The following QSER1 variants were observed in gnomAD, a reference collection of about 807,000 sequenced individuals.
QSER1 encodes glutamine and serine rich 1, also known as glutamine and serine-rich protein 1.
A neutral mutation model predicts 158.5 loss-of-function variants in QSER1; 49 were observed. That is an observed-to-expected ratio of 0.31 (90% CI 0.25 to 0.39). The LOEUF is 0.39. QSER1 is among the 10% of genes least tolerant of loss of function. QSER1 has a pLI of 1.00. For missense variants in QSER1, 1,754 were observed against 2,010.3 expected (o/e 0.87, Z 2.44); for synonymous variants, 650 against 715.5 (o/e 0.91, Z 1.46).
In QSER1 at chr11:32,955,470, A is replaced by G. The variant is rs1852495762; in HGVS notation, c.4617+58A>G. On this transcript the variant is annotated intron_variant, in intron 6 of 12. Coordinates refer to ENST00000650167, the MANE Select transcript of QSER1 (RefSeq NM_001076786.3). ...TTTGACAGTGGTCCTGAGAAAAACA[A>G]TGATTTAAATATAGAAGTATTTTAT... 5 of 792,552 alleles carry G rather than the reference A, an allele frequency of 6.3e-6. No homozygotes were observed. In the Admixed American group the frequency reaches 8.0e-5, roughly 13 times the overall value. 49.1% of individuals were successfully genotyped at this position (792,552 alleles called of 1,614,324 possible). A position where few individuals can be genotyped will look rare whatever the true frequency, so the allele number is the denominator to read the frequency against.
intron 1 of QSER1, among the ~76,000 whole-genome samples, chr11:32,906,341 G>C (rs572493236): frequency 2.4e-3 from 358 of 152,196 alleles, no homozygotes; most frequent in Non-Finnish European, 4.1e-3. Context: ...AGAATCGCTT[G>C]AACCTAGGAG....
intron 11 of QSER1, 72 bp from the exon 12 acceptor site, chr11:32,975,176 A>G: frequency 1.9e-6 from 2 of 1,053,780 alleles, no homozygotes; most frequent in East Asian, 5.0e-5. Context: ...CTTTTGATCT[A>G]GTATTTTCCT....
chr11:32,939,623 G>C (rs1452968880), intron 4 of QSER1, among the ~76,000 whole-genome samples: 1 of 152,128 alleles, frequency 6.6e-6, no homozygotes, highest in East Asian at 1.9e-4. Context: ...CAGAACATAA[G>C]TTCTGTCTTA....
intron 4 of QSER1, among the ~76,000 whole-genome samples, chr11:32,940,344 G>T (rs187327971): frequency 1.3e-5 from 2 of 152,160 alleles, no homozygotes; most frequent in Non-Finnish European, 2.9e-5. Context: ...TTTGCTTAGG[G>T]ACTATCATGA....
At chr11:32,916,094 T>A (rs1017829939) in intron 1 of QSER1, among the ~76,000 whole-genome samples, 7 of 151,944 alleles carry the variant, frequency 4.6e-5, no homozygotes, top group African/African-American at 1.7e-4. Flanking sequence ...AGAGACAGGG[T>A]TTCTCTATGT....
intron 4 of QSER1, among the ~76,000 whole-genome samples, chr11:32,950,642 T>C (rs1263099154): frequency 3.3e-5 from 5 of 152,214 alleles, no homozygotes; most frequent in African/African-American, 9.6e-5. Context: ...ATTTGTATCA[T>C]TCAAAGAGAA....
At chr11:32,954,489 C>T (rs1038153520) in intron 5 of QSER1, among the ~76,000 whole-genome samples, 18 of 151,730 alleles carry the variant, frequency 1.2e-4, no homozygotes, top group African/African-American at 1.9e-4. Flanking sequence ...TGGAGAAAAT[C>T]GTTATTTATA....
chr11:32,967,417 T>G (rs917470287), intron 9 of QSER1, among the ~76,000 whole-genome samples: 6 of 152,082 alleles, frequency 3.9e-5, no homozygotes, highest in Admixed American at 1.3e-4. Flanking sequence ...ATCCCAGACT[T>G]CACCACTATA....
At chr11:32,909,909 G>A (rs776772478) in intron 1 of QSER1, among the ~76,000 whole-genome samples, 4 of 152,128 alleles carry the variant, frequency 2.6e-5, no homozygotes, top group African/African-American at 7.2e-5. Flanking sequence ...GGGAAGTTGT[G>A]TAGCAGGTAG....
intron 1 of QSER1, among the ~76,000 whole-genome samples, chr11:32,911,135 T>A (rs1359518588): frequency 6.6e-6 from 1 of 152,226 alleles, no homozygotes; most frequent in Non-Finnish European, 1.5e-5. Context: ...GGTTTTCCTC[T>A]TAAGTTTTTA....
chr11:32,959,909 G>A (rs1224439688), intron 8 of QSER1, among the ~76,000 whole-genome samples: 1 of 151,978 alleles, frequency 6.6e-6, no homozygotes, highest in Non-Finnish European at 1.5e-5. Flanking sequence ...CTACAGGTGG[G>A]CACCACCACA....
chr11:32,895,559 A>G (rs1348665525), intron 1 of QSER1, among the ~76,000 whole-genome samples: 1 of 152,242 alleles, frequency 6.6e-6, no homozygotes, highest in African/African-American at 2.4e-5. Flanking sequence ...AAGCTTTTTC[A>G]TAATGCACAT....
At chr11:32,898,549 G>T (rs1311453327) in intron 1 of QSER1, among the ~76,000 whole-genome samples, 1 of 151,222 alleles carries the variant, frequency 6.6e-6, no homozygotes, top group Non-Finnish European at 1.5e-5. Flanking sequence ...TGCTCTGTAT[G>T]GCTCTGCGTT....
At chr11:32,961,519 T>G (rs1852624858) in intron 8 of QSER1, among the ~76,000 whole-genome samples, 2 of 152,202 alleles carry the variant, frequency 1.3e-5, no homozygotes, top group South Asian at 4.1e-4. Context: ...GTGTACAATT[T>G]ATTAGCATTA....
intron 9 of QSER1, 45 bp from the exon 10 acceptor site, chr11:32,968,995 TCAAAAA>T (rs1482646232): frequency 9.7e-7 from 1 of 1,033,202 alleles, no homozygotes; most frequent in Middle Eastern, 2.4e-4. Flanking sequence ...TGGATTTTTT[TCAAAAA>T]TATTTATTGA....
intron 4 of QSER1, among the ~76,000 whole-genome samples, chr11:32,943,835 G>A (rs1442960240): frequency 6.6e-6 from 1 of 152,074 alleles, no homozygotes; most frequent in Non-Finnish European, 1.5e-5. Context: ...TGTACCTCTG[G>A]TAGAATTCGG....
At chr11:32,946,929 T>C (rs1852343499) in intron 4 of QSER1, among the ~76,000 whole-genome samples, 1 of 152,212 alleles carries the variant, frequency 6.6e-6, no homozygotes, top group South Asian at 2.1e-4. Flanking sequence ...TATAATCTCG[T>C]GGTGCGCCGT....
At chr11:32,902,980 T>G (rs1851644511) in intron 1 of QSER1, among the ~76,000 whole-genome samples, 1 of 152,196 alleles carries the variant, frequency 6.6e-6, no homozygotes, top group Non-Finnish European at 1.5e-5. Context: ...GTGCTATTAA[T>G]CATAAGCTTT....
chr11:32,973,500 A>G lies in QSER1; in HGVS notation c.5309A>G (p.Tyr1770Cys), dbSNP rs1217750082. The stretch of plus-strand genomic sequence containing the variant: ...AAAATCAAAATGAATGGCAAAGCCT[A>G]TAATAAGAAAACTCTAAGGACTTCT... Reference protein sequence around the residue: ...ISKIKMNGKAYNKKTLRTSKT... With the variant: ...ISKIKMNGKACNKKTLRTSKT... Residue 1770 changes from tyrosine to cysteine, a missense_variant, in exon 11 of 13, where the codon TAT (tyrosine) becomes TGT (cysteine). Around this residue, in one of 2 missense-constraint regions of QSER1, gnomAD observed 1,707 missense variants for 1,919.6 expected, o/e 0.89. Transcript: ENST00000650167. 1.9e-6 allele frequency: 3 copies of G among 1,613,320 alleles called. No individual in the cohort carries two copies. Among genetic ancestry groups the G allele is most frequent in the Non-Finnish European group, 2.5e-6 (3 of 1,179,678 alleles).
Sources: allele counts gnomAD v4.1 joint callset (sites outside exome capture counted in the v4.1 genomes callset), GRCh38; gene constraint gnomAD v4.1.1; regional missense constraint gnomAD v4.1.1; transcripts MANE v1.5; gene names NCBI Gene and HGNC (gene_info 2026-07-23, HGNC 2026-07-21).